Variants in TRA2B observed in about 807,000 individuals in gnomAD.
TRA2B encodes the protein transformer-2 protein homolog beta.
Under a neutral mutation model 41.7 loss-of-function variants are expected in TRA2B, and 14 were observed. The observed-to-expected ratio is 0.34, with a 90% CI of 0.22 to 0.53. The LOEUF is 0.53. TRA2B is among the 20% of genes least tolerant of loss of function. The probability of loss-of-function intolerance (pLI) is 0.95; values close to 1 mark genes in which losing one functional copy is unlikely to be tolerated. For synonymous variants in TRA2B, 130 were observed against 128.8 expected (o/e 1.01, Z -0.06); for missense variants, 167 against 396.8 (o/e 0.42, Z 4.92).
chr3:185,918,844 T>TAA (rs879688312), intron 7 of TRA2B, among the ~76,000 whole-genome samples: 2 of 145,294 alleles, frequency 1.4e-5, no homozygotes, highest in African/African-American at 5.0e-5. Flanking sequence ...CTGTCTCTAC[T>TAA]AAAAAAAAAA....
chr3:185,936,143 G>C (rs1744343616), intron 1 of TRA2B: 1 of 985,264 alleles, frequency 1.0e-6, no homozygotes, highest in African/African-American at 1.7e-5. Context: ...GAGAGCTCTA[G>C]TCAGAAGCCA....
chr3:185,930,908 G>C (rs1194819157), intron 1 of TRA2B, among the ~76,000 whole-genome samples: 1 of 152,124 alleles, frequency 6.6e-6, no homozygotes, highest in Non-Finnish European at 1.5e-5. Flanking sequence ...TCTTCTAAGG[G>C]GAAGCTACGG....
intron 1 of TRA2B, chr3:185,937,539 G>C (rs1174057007): frequency 6.9e-6 from 7 of 1,013,584 alleles, no homozygotes; most frequent in Non-Finnish European, 8.9e-6. Flanking sequence ...ACACCGCGGG[G>C]ACGCAGCGGC....
chr3:185,921,959 T>G, intron 5 of TRA2B, 52 bp downstream of exon 5: 1 of 1,389,318 alleles, frequency 7.2e-7, no homozygotes, highest in Non-Finnish European at 1.0e-6. Flanking sequence ...TACAAGTGTT[T>G]CTTTGACAAG....
At chr3:185,924,261 GAATT>G (rs2150114222) in intron 3 of TRA2B, 1 of 277,414 alleles carries the variant, frequency 3.6e-6, no homozygotes, top group Non-Finnish European at 6.7e-6. Flanking sequence ...TTCCTTCTAT[GAATT>G]TATTCTAAGA....
chr3:185,918,845 A>T (rs1018644581), intron 7 of TRA2B, among the ~76,000 whole-genome samples: 1 of 142,900 alleles, frequency 7.0e-6, no homozygotes, highest in Admixed American at 6.9e-5. Flanking sequence ...TGTCTCTACT[A>T]AAAAAAAAAA....
chr3:185,921,053 C>G (rs1453818750), intron 6 of TRA2B, 51 bp downstream of exon 6: 1 of 1,520,806 alleles, frequency 6.6e-7, no homozygotes, highest in Admixed American at 1.7e-5. Flanking sequence ...TAGTGCTGCT[C>G]TGTACACTGT....
chr3:185,921,195 G>T lies in TRA2B; in HGVS notation c.639-8C>A. ...CGACGGCGAGAGCTGCCACTATGAA[G>T]AAAAAAATATTCAGGTGACCTCCCT... On this transcript the variant is annotated splice_polypyrimidine_tract_variant and splice_region_variant and intron_variant, in intron 5 of 8. Transcript: ENST00000453386. 1 of 1,613,532 alleles carries T rather than the reference G, an allele frequency of 6.2e-7. No homozygotes were observed.
chr3:185,920,019 AAATGTCAC>A (rs1273094715), intron 6 of TRA2B, among the ~76,000 whole-genome samples: 1 of 152,198 alleles, frequency 6.6e-6, no homozygotes. Context: ...GGGAGGACCA[AAATGTCAC>A]AATTTTACTT....
intron 3 of TRA2B, 53 bp from the exon 4 acceptor site, chr3:185,924,037 T>C: frequency 6.5e-7 from 1 of 1,538,492 alleles, no homozygotes. Context: ...AAAATCAAAG[T>C]TGTTTAAAAA....
chr3:185,920,700 C>T (rs189384787), intron 6 of TRA2B, among the ~76,000 whole-genome samples: 55 of 152,214 alleles, frequency 3.6e-4, no homozygotes, highest in African/African-American at 1.3e-3. Context: ...TGCACCACCA[C>T]AACCGGCTAA....
At chr3:185,930,585 G>A (rs1463471350) in intron 1 of TRA2B, among the ~76,000 whole-genome samples, 1 of 152,130 alleles carries the variant, frequency 6.6e-6, no homozygotes, top group African/African-American at 2.4e-5. Flanking sequence ...GTAGAAAACC[G>A]CTGGCTGACT....
At chr3:185,921,217 CCCTT>C (rs759918506) in intron 5 of TRA2B, 30 bp from the exon 6 acceptor site, 1 of 1,598,130 alleles carries the variant, frequency 6.3e-7, no homozygotes, top group South Asian at 1.1e-5. Flanking sequence ...CAGGTGACCT[CCCTT>C]ATCTTTCTGG....
At chr3:185,918,465 A>T in intron 7 of TRA2B, 27 bp from the exon 8 acceptor site, 1 of 1,515,970 alleles carries the variant, frequency 6.6e-7, no homozygotes, top group Non-Finnish European at 9.2e-7. Flanking sequence ...AGATTGTCTA[A>T]GTCTCAATAG....
chr3:185,921,258 G>A (rs1743724363), intron 5 of TRA2B, 71 bp from the exon 6 acceptor site: 3 of 1,307,068 alleles, frequency 2.3e-6, no homozygotes, highest in Non-Finnish European at 1.1e-6. Flanking sequence ...CTACTAGTAG[G>A]CCTTTTCTGA....
At chr3:185,926,824 G>A in intron 1 of TRA2B, 90 bp from the exon 2 acceptor site, 1 of 1,484,430 alleles carries the variant, frequency 6.7e-7, no homozygotes, top group East Asian at 2.4e-5. Context: ...GTGAGGGACA[G>A]CAATCCCCTT....
intron 1 of TRA2B, chr3:185,936,767 C>T: frequency 2.0e-6 from 2 of 985,162 alleles, no homozygotes; most frequent in South Asian, 4.7e-5. Flanking sequence ...ACAGATTCCT[C>T]TTAATTCTAG....
In TRA2B at chr3:185,916,610, C is replaced by T. The variant is rs1263530168; in HGVS notation, c.*1105G>A. 1 of 152,344 alleles carries T rather than the reference C, an allele frequency of 6.6e-6. No individual in the cohort carries two copies. The highest frequency in any genetic ancestry group is 1.5e-5 in the Non-Finnish European group (1 of 67,990). 9.4% of individuals were successfully genotyped at this position (152,344 alleles called of 1,614,324 possible). A position where few individuals can be genotyped will look rare whatever the true frequency, so the allele number is the denominator to read the frequency against. Reference sequence around the variant, plus strand: ...ATTTTCCAGGAATACAGAAATTCATCCCCCCCTCAACCCAGCCCAAAATAG... The same window carrying T: ...ATTTTCCAGGAATACAGAAATTCATTCCCCCCTCAACCCAGCCCAAAATAG... On this transcript the variant is annotated 3_prime_UTR_variant, in exon 9 of 9. Coordinates refer to ENST00000453386, the MANE Select transcript of TRA2B (RefSeq NM_004593.3).
rs754313628 is a variant in TRA2B, at chr3:185,936,486, G to C, written c.36+1339C>G. 5.1e-6 allele frequency: 5 copies of C among 985,280 alleles called. No homozygotes were observed. The East Asian group carries it at 5.7e-4, about 112-fold the overall frequency. The allele number at this position is 985,280 out of a possible 1,614,324, so 61.0% of individuals were successfully genotyped here. On this transcript the variant is annotated intron_variant, in intron 1 of 8. Coordinates refer to ENST00000453386, the MANE Select transcript of TRA2B (RefSeq NM_004593.3). ...TGATTAGTTCAAACCAAATTAAGCAGTTTGGGCTCCAAAATTACGCAGGAA... is the reference window on the plus strand; with the variant it reads ...TGATTAGTTCAAACCAAATTAAGCACTTTGGGCTCCAAAATTACGCAGGAA...
Sources: gnomAD v4.1 joint callset for allele counts (sites outside exome capture counted in the v4.1 genomes callset) on GRCh38, gnomAD v4.1.1 for gene constraint, MANE v1.5 for transcripts, NCBI Gene and HGNC (gene_info 2026-07-23, HGNC 2026-07-21) for gene names.